Variants in ADGRL2 observed in about 807,000 individuals in gnomAD.
ADGRL2 encodes calcium-independent alpha-latrotoxin receptor 2.
A neutral mutation model predicts 157.4 loss-of-function variants in ADGRL2; 44 were observed. The observed-to-expected ratio is 0.28, with a 90% confidence interval of 0.22 to 0.36. The LOEUF is 0.36. Among genes scored for constraint, ADGRL2 ranks in the 10% least tolerant of loss-of-function variants. The probability of loss-of-function intolerance (pLI) is 1.00; values close to 1 mark genes in which losing one functional copy is unlikely to be tolerated. For missense variants in ADGRL2, 1,510 were observed against 1,768.9 expected, an observed-to-expected ratio of 0.85 and a Z score of 2.63; for synonymous variants, 585 against 624.7, an observed-to-expected ratio of 0.94 and a Z score of 0.95.
At chr1:81,963,312 C>T (rs558612470) in intron 11 of ADGRL2, among the ~76,000 whole-genome samples, 1 of 152,082 alleles carries the variant, frequency 6.6e-6, no homozygotes, top group South Asian at 2.1e-4. Context: ...TAACGTCCCT[C>T]GTTATTACTA....
intron 2 of ADGRL2, among the ~76,000 whole-genome samples, chr1:81,516,695 T>G (rs2079185569): frequency 6.6e-6 from 1 of 152,236 alleles, no homozygotes; most frequent in Non-Finnish European, 1.5e-5. Flanking sequence ...TGGAATAATG[T>G]GAGTAACTAG....
chr1:81,798,041 A>G (rs1034902890), upstream of ADGRL2, among the ~76,000 whole-genome samples: 1 of 152,232 alleles, frequency 6.6e-6, no homozygotes, highest in African/African-American at 2.4e-5. Flanking sequence ...TTACTTAAAT[A>G]ACAATATAGA....
chr1:81,505,340 T>A (rs1024760789), intron 2 of ADGRL2, among the ~76,000 whole-genome samples: 15 of 151,170 alleles, frequency 9.9e-5, no homozygotes, highest in African/African-American at 3.7e-4. Context: ...CTGGGCCCAT[T>A]TGAAGGTGTC....
chr1:81,806,730 A>G lies in ADGRL2; in HGVS notation c.-101+5662A>G, dbSNP rs1270079023. ...AGGTTAAACATACTTGTACCTACCT[A>G]AAAGAAATCTGTTTTCATTTTAACA... is the stretch of plus-strand genomic sequence containing the variant. On this transcript the variant is annotated intron_variant, in intron 1 of 23. Coordinates refer to ENST00000686636, the MANE Select transcript of ADGRL2 (RefSeq NM_001366006.2). Among the ~76,000 whole-genome samples the G allele has an allele frequency of 4.6e-5, 7 of 151,736 alleles. 1 individual carries two copies. In the South Asian group the frequency reaches 1.4e-3, roughly 31 times the overall value.
At chr1:81,746,980 G>A (rs1465467322) in intron 1 of ADGRL2, among the ~76,000 whole-genome samples, 1 of 140,716 alleles carries the variant, frequency 7.1e-6, no homozygotes, top group East Asian at 2.1e-4. Context: ...GTATACACAC[G>A]TGTGTATATA....
upstream of ADGRL2, among the ~76,000 whole-genome samples, chr1:81,800,752 C>G (rs892641320): frequency 6.6e-6 from 1 of 151,174 alleles, no homozygotes; most frequent in African/African-American, 2.4e-5. Context: ...CGCGGAGGAC[C>G]CAGCGCGCAG....
intron 2 of ADGRL2, among the ~76,000 whole-genome samples, chr1:81,763,778 G>C (rs947687592): frequency 1.8e-4 from 27 of 151,876 alleles, no homozygotes; most frequent in African/African-American, 6.5e-4. Context: ...AGACGGAGGC[G>C]GGCGGATTAC....
At chr1:81,970,292 T>A (rs766603261) in intron 15 of ADGRL2, 22 bp from the exon 16 acceptor site, 1 of 1,562,560 alleles carries the variant, frequency 6.4e-7, no homozygotes, top group Admixed American at 1.7e-5. Context: ...TCTTTTGTGT[T>A]TTTTGTTCTT....
Position 81,666,494 on chromosome 1 carries a change from C to A in ADGRL2, c.-143+85514C>A, listed in dbSNP as rs375419648. Among the ~76,000 whole-genome samples, 10 of 152,230 alleles carry A rather than the reference C, an allele frequency of 6.6e-5. No homozygotes were observed. In the East Asian group the frequency reaches 1.9e-3, roughly 29 times the overall value. On this transcript the variant is annotated intron_variant, in intron 3 of 24. Coordinates refer to the ADGRL2 transcript ENST00000370721. The stretch of plus-strand genomic sequence containing the variant: ...AAACTCTCAGTGTTTGATTTCATTT[C>A]TTCTCCTCTTATTAATTTATTTATT...
At chr1:81,965,934 AC>A (rs1449597897) in intron 11 of ADGRL2, 123 bp from the exon 12 acceptor site, 1 of 969,692 alleles carries the variant, frequency 1.0e-6, no homozygotes, top group Non-Finnish European at 1.5e-6. Context: ...TTGAAACCTA[AC>A]AGTAAAATTT....
At chr1:81,945,703 T>C (rs1649593274) in intron 6 of ADGRL2, among the ~76,000 whole-genome samples, 1 of 152,116 alleles carries the variant, frequency 6.6e-6, no homozygotes, top group Non-Finnish European at 1.5e-5. Flanking sequence ...CTTCGGCAGA[T>C]GTAGCAACTG....
intron 3 of ADGRL2, among the ~76,000 whole-genome samples, chr1:81,618,206 G>A (rs1214384492): frequency 2.6e-5 from 4 of 152,100 alleles, no homozygotes; most frequent in African/African-American, 4.8e-5. Flanking sequence ...ACTTGACATA[G>A]ACATTTAGCT....
chr1:81,846,131 T>A (rs1407991540), intron 2 of ADGRL2, among the ~76,000 whole-genome samples: 1 of 151,876 alleles, frequency 6.6e-6, no homozygotes, highest in Non-Finnish European at 1.5e-5. Flanking sequence ...AGAATTAAAT[T>A]TTAACCAACA....
At chr1:81,557,377 A>C (rs1047185470) in intron 2 of ADGRL2, 3 of 170,384 alleles carry the variant, frequency 1.8e-5, no homozygotes, top group South Asian at 1.6e-4. Flanking sequence ...AAGAAAAAGC[A>C]TTCTGGTGAC....
intron 2 of ADGRL2, among the ~76,000 whole-genome samples, chr1:81,483,161 A>C (rs975186791): frequency 3.9e-5 from 6 of 152,106 alleles, no homozygotes; most frequent in Non-Finnish European, 7.4e-5. Context: ...CCTAATCTGA[A>C]TGTTGTAGGA....
At chr1:81,957,143 A>G (rs964662642) in intron 11 of ADGRL2, among the ~76,000 whole-genome samples, 2 of 151,732 alleles carry the variant, frequency 1.3e-5, no homozygotes, top group African/African-American at 2.4e-5. Flanking sequence ...GAAGTGGCAT[A>G]TTATGACCTC....
At chr1:81,689,065 G>A (rs1306343806) in intron 3 of ADGRL2, among the ~76,000 whole-genome samples, 2 of 152,136 alleles carry the variant, frequency 1.3e-5, no homozygotes, top group African/African-American at 4.8e-5. Flanking sequence ...GTCCACCAGT[G>A]CCTGTTCTGG....
intron 11 of ADGRL2, among the ~76,000 whole-genome samples, chr1:81,960,955 C>T (rs1163654372): frequency 6.6e-6 from 1 of 152,128 alleles, no homozygotes; most frequent in Non-Finnish European, 1.5e-5. Flanking sequence ...TTCAGTTCTG[C>T]TCCGTGTTGT....
chr1:81,808,670 T>G (rs745993578), intron 1 of ADGRL2, among the ~76,000 whole-genome samples: 2 of 152,086 alleles, frequency 1.3e-5, no homozygotes, highest in Non-Finnish European at 2.9e-5. Context: ...TTATAAGATA[T>G]AAATAGGTTA....
Sources: allele counts gnomAD v4.1 joint callset (sites outside exome capture counted in the v4.1 genomes callset), GRCh38; gene constraint gnomAD v4.1.1; transcripts MANE v1.5; gene names NCBI Gene and HGNC (gene_info 2026-07-23, HGNC 2026-07-21).